The following TTC12 variants were observed in gnomAD, a reference collection of about 807,000 sequenced individuals.
TTC12 encodes tetratricopeptide repeat domain 12.
Under a neutral mutation model 90.1 loss-of-function variants are expected in TTC12, and 70 were observed. That is an observed-to-expected ratio of 0.78 (90% CI 0.64 to 0.95). The LOEUF is 0.95. Among genes scored for constraint, TTC12 ranks in the 40% least tolerant of loss-of-function variants. The pLI, the probability that TTC12 is intolerant of heterozygous loss-of-function variation, is 0.00. For synonymous variants in TTC12, 296 were observed against 311.5 expected, an observed-to-expected ratio of 0.95 and a Z score of 0.53; for missense variants, 819 against 846.1, an observed-to-expected ratio of 0.97 and a Z score of 0.40.
At chr11:113,353,603 A>G (rs1161861402) in intron 16 of TTC12, among the ~76,000 whole-genome samples, 1 of 152,140 alleles carries the variant, frequency 6.6e-6, no homozygotes, top group East Asian at 1.9e-4. Context: ...TGGATTTTAC[A>G]TTTAAGTCTT....
intron 11 of TTC12, 25 bp downstream of exon 11, chr11:113,340,758 C>G: frequency 6.3e-7 from 1 of 1,590,788 alleles, no homozygotes; most frequent in South Asian, 1.1e-5. Flanking sequence ...AGAGACAGCC[C>G]AGCAGCAAAG....
At chr11:113,335,943 T>C (rs1473809528) in intron 8 of TTC12, among the ~76,000 whole-genome samples, 1 of 152,152 alleles carries the variant, frequency 6.6e-6, no homozygotes, top group Non-Finnish European at 1.5e-5. Context: ...TATCTAGAAG[T>C]GGAATAGCAG....
intron 14 of TTC12, among the ~76,000 whole-genome samples, chr11:113,350,651 G>A (rs962287269): frequency 6.6e-6 from 1 of 152,230 alleles, no homozygotes; most frequent in African/African-American, 2.4e-5. Context: ...TCTAGCTGCT[G>A]GGGATGATAG....
Position 113,317,749 on chromosome 11 carries a change from C to T in TTC12, c.58+1434C>T, listed in dbSNP as rs370744595. Among the ~76,000 whole-genome samples, 109 of 152,310 alleles carry T rather than the reference C, an allele frequency of 7.2e-4. 3 individuals are homozygous for T. The South Asian group carries it at 0.022, about 31-fold the overall frequency. ...CTGCTGATACTTCGCCACACATACT[C>T]TGTGTTTCACACTCTGCACTGGATC... On this transcript the variant is annotated intron_variant, in intron 2 of 21. Transcript: ENST00000529221.
intron 16 of TTC12, among the ~76,000 whole-genome samples, chr11:113,356,257 C>G (rs1240122238): frequency 6.6e-6 from 1 of 152,158 alleles, no homozygotes; most frequent in East Asian, 1.9e-4. Context: ...ACTAGGATTG[C>G]AACGCCTGCT....
At chr11:113,332,703 A>G (rs1555142912) in intron 7 of TTC12, among the ~76,000 whole-genome samples, 8 of 151,980 alleles carry the variant, frequency 5.3e-5, no homozygotes, top group Admixed American at 3.9e-4. Context: ...CCCCTTCCCC[A>G]GCTCCAGGGC....
intron 10 of TTC12, chr11:113,339,698 TACACA>T (rs1948578286): frequency 6.2e-6 from 3 of 482,990 alleles, no homozygotes; most frequent in South Asian, 8.9e-5. Flanking sequence ...GCAATAAACA[TACACA>T]ACACAACACG....
chr11:113,344,486 A>T, intron 13 of TTC12, 46 bp downstream of exon 13: 8 of 1,574,108 alleles, frequency 5.1e-6, no homozygotes, highest in Non-Finnish European at 6.9e-6. Context: ...TCATGTCATC[A>T]CTTGACAAGT....
intron 13 of TTC12, among the ~76,000 whole-genome samples, chr11:113,348,906 T>G (rs1312085293): frequency 6.6e-6 from 1 of 152,202 alleles, no homozygotes; most frequent in Non-Finnish European, 1.5e-5. Flanking sequence ...AAGCATTAAC[T>G]GCATGCCAGC....
intron 13 of TTC12, among the ~76,000 whole-genome samples, 176 bp from the exon 14 acceptor site, chr11:113,349,897 G>A (rs1555149406): frequency 1.3e-5 from 2 of 152,214 alleles, no homozygotes. Context: ...CCACTTAAGA[G>A]TATCTGTCTC....
rs1591198001 is a variant in TTC12, at chr11:113,359,844, G to A, written c.1546-96G>A. On this transcript the variant is annotated intron_variant, in intron 17 of 21. Transcript: ENST00000529221. ...GAGGGAACCTGGGCATAGTGTGGTG[G>A]TGCTAAAAAGGAGACGGTGCTCAGA... 7.8e-6 allele frequency: 7 copies of A among 897,706 alleles called. No individual in the cohort carries two copies. In the East Asian group the frequency reaches 7.9e-5, roughly 10 times the overall value. The allele number at this position is 897,706 out of a possible 1,614,324, so 55.6% of individuals were successfully genotyped here. A position where few individuals can be genotyped will look rare whatever the true frequency, so the allele number is the denominator to read the frequency against.
At chr11:113,358,671 A>G (rs1008249482) in intron 16 of TTC12, among the ~76,000 whole-genome samples, 2 of 152,194 alleles carry the variant, frequency 1.3e-5, no homozygotes, top group Non-Finnish European at 2.9e-5. Context: ...AGACACTTCT[A>G]CGCCCAACCC....
chr11:113,325,454 G>T (rs1219078544), intron 5 of TTC12, 70 bp from the exon 6 acceptor site: 27 of 1,571,024 alleles, frequency 1.7e-5, no homozygotes, highest in Non-Finnish European at 2.3e-5. Context: ...TTGGAAAATC[G>T]GGGGAATAAA....
chr11:113,372,581 T>C (rs564567883), intron 21 of TTC12, among the ~76,000 whole-genome samples: 23 of 152,378 alleles, frequency 1.5e-4, no homozygotes, highest in African/African-American at 4.8e-4. Context: ...TTGTAGGCTA[T>C]AGATGCATTC....
At chr11:113,321,605 T>A (rs1947340425) in intron 2 of TTC12, among the ~76,000 whole-genome samples, 1 of 152,228 alleles carries the variant, frequency 6.6e-6, no homozygotes, top group South Asian at 2.1e-4. Flanking sequence ...TCTGGTAGAT[T>A]GCAAGAATGG....
At chr11:113,317,545 A>C (rs1555136243) in intron 2 of TTC12, among the ~76,000 whole-genome samples, 1 of 152,068 alleles carries the variant, frequency 6.6e-6, no homozygotes. Flanking sequence ...TCCTGTCTCC[A>C]GGCTTATACT....
chr11:113,335,268 G>A (rs1391170888), intron 8 of TTC12, among the ~76,000 whole-genome samples: 2 of 152,200 alleles, frequency 1.3e-5, no homozygotes, highest in Non-Finnish European at 2.9e-5. Flanking sequence ...TGTTTGTTCA[G>A]TCTGTGGAGA....
In TTC12 at chr11:113,351,294, G is replaced by GT; in HGVS notation, c.1305dup (p.Leu436SerfsTer26). 1.2e-6 allele frequency: 2 copies of GT among 1,613,748 alleles called. No individual in the cohort carries two copies. Among genetic ancestry groups the GT allele is most frequent in the Non-Finnish European group, 1.7e-6 (2 of 1,179,678 alleles). On this transcript the variant is annotated frameshift_variant, in exon 15 of 22. Coordinates refer to ENST00000529221, the MANE Select transcript of TTC12 (RefSeq NM_017868.4). LOFTEE classifies it high-confidence loss of function. ...AGGTGTTCTCCCTGCACTCACAGGC[G>GT]TTCTGGTGAGCAAACTGTCATTTTC...
chr11:113,324,508 A>G (rs1565574633), intron 4 of TTC12, 97 bp from the exon 5 acceptor site: 1 of 901,230 alleles, frequency 1.1e-6, no homozygotes, highest in East Asian at 2.6e-5. Context: ...GCATATGCAT[A>G]CGTGTGGCTC....
Sources: allele counts gnomAD v4.1 joint callset (sites outside exome capture counted in the v4.1 genomes callset), GRCh38; gene constraint gnomAD v4.1.1; transcripts MANE v1.5; gene names NCBI Gene and HGNC (gene_info 2026-07-23, HGNC 2026-07-21).